CDC34: variants seen among roughly 807,000 people sequenced by gnomAD.
The protein encoded by CDC34 is cell division cycle 34, ubiquitin conjugating enzyme, also known as ubiquitin-conjugating enzyme E2 R1.
In CDC34, 18 loss-of-function variants were observed where a neutral mutation model predicts 26.8. The ratio of observed to expected loss-of-function variants is 0.67; its 90% confidence interval spans 0.47 to 1.00. The LOEUF is 1.00. CDC34 is among the 50% of genes least tolerant of loss of function. CDC34 has a pLI of 0.00. For missense variants in CDC34, 280 were observed against 334.5 expected (o/e 0.84, Z 1.27); for synonymous variants, 178 against 147.5 (o/e 1.21, Z -1.50).
intron 4 of CDC34, among the ~76,000 whole-genome samples, chr19:540,125 C>G (rs3930365): frequency 0.067 from 1,560 of 23,190 alleles, 293 homozygotes; most frequent in East Asian, 0.12. Context: ...AGGCCCCCCA[C>G]GTTTAGAATC....
chr19:537,184 C>T, intron 4 of CDC34, 37 bp downstream of exon 4: 3 of 1,607,666 alleles, frequency 1.9e-6, no homozygotes, highest in African/African-American at 1.3e-5. Context: ...AGGAGAGACT[C>T]AGATCCGGCC....
At chr19:535,364 C>T (rs1490334327) in intron 1 of CDC34, among the ~76,000 whole-genome samples, 1 of 152,256 alleles carries the variant, frequency 6.6e-6, no homozygotes, top group Non-Finnish European at 1.5e-5. Context: ...GCTAACTGAG[C>T]AATCATCTGT....
chr19:532,144 C>T (rs1979517969), intron 1 of CDC34, 36 bp downstream of exon 1: 1 of 1,455,682 alleles, frequency 6.9e-7, no homozygotes, highest in Non-Finnish European at 9.0e-7. Flanking sequence ...TCCCGGAGCC[C>T]ACGAGCGACC....
At chr19:533,172 G>A (rs1307078705) in intron 1 of CDC34, among the ~76,000 whole-genome samples, 1 of 152,128 alleles carries the variant, frequency 6.6e-6, no homozygotes, top group Non-Finnish European at 1.5e-5. Flanking sequence ...GGGCCAGAGG[G>A]ACAAAGCGAG....
chr19:538,447 T>C (rs1015036118), intron 4 of CDC34, among the ~76,000 whole-genome samples: 3 of 152,246 alleles, frequency 2.0e-5, no homozygotes, highest in African/African-American at 7.2e-5. Flanking sequence ...AACACGTGCG[T>C]GTCTGTGTAC....
At chr19:536,940 C>T (rs756204841) in intron 3 of CDC34, 73 bp from the exon 4 acceptor site, 6 of 1,587,736 alleles carry the variant, frequency 3.8e-6, no homozygotes, top group Non-Finnish European at 4.3e-6. Context: ...GTCCCCGTGA[C>T]CCTCAGGGCC....
intron 4 of CDC34, among the ~76,000 whole-genome samples, chr19:537,651 C>CTTTTTTTTTTTTTTT (rs773623358): frequency 1.5e-5 from 1 of 67,076 alleles, no homozygotes; most frequent in Non-Finnish European, 2.8e-5. Flanking sequence ...CGCGGCCGGC[C>CTTTTTTTTTTTTTTT]TTTTTTTTTT....
chr19:534,102 C>T (rs1278402317), intron 1 of CDC34, among the ~76,000 whole-genome samples: 1 of 152,192 alleles, frequency 6.6e-6, no homozygotes, highest in Admixed American at 6.5e-5. Context: ...CTCATTGGGA[C>T]TTGGTGGGGT....
Position 541,332 on chromosome 19 carries a change from C to T in CDC34, c.498-7C>T. 6.4e-7 allele frequency: 1 copy of T among 1,553,166 alleles called. No individual in the cohort carries two copies. Among genetic ancestry groups the T allele is most frequent in the East Asian group, 2.4e-5 (1 of 42,160 alleles). On this transcript the variant is annotated splice_region_variant and splice_polypyrimidine_tract_variant and intron_variant, in intron 4 of 4. Coordinates refer to ENST00000215574, the MANE Select transcript of CDC34 (RefSeq NM_004359.2). Reference sequence around the variant, plus strand: ...GGGTGGCGCCCTCACCCACCCTGTCCCCCCAGGAAGCAGGTCCTGGGGACC... The same window carrying T: ...GGGTGGCGCCCTCACCCACCCTGTCTCCCCAGGAAGCAGGTCCTGGGGACC...
intron 1 of CDC34, among the ~76,000 whole-genome samples, chr19:534,484 A>G (rs11881969): frequency 0.36 from 9,836 of 27,466 alleles, 282 homozygotes; most frequent in South Asian, 0.4. Flanking sequence ...TCCAGACCTC[A>G]CCCACGATCC....
intron 4 of CDC34, chr19:539,066 G>T: frequency 1.1e-6 from 1 of 947,698 alleles, no homozygotes; most frequent in Non-Finnish European, 1.3e-6. Context: ...CATGTGCCAT[G>T]TGGACTCTGC....
At chr19:541,268 G>C in intron 4 of CDC34, 71 bp from the exon 5 acceptor site, 2 of 1,458,208 alleles carry the variant, frequency 1.4e-6, no homozygotes, top group Non-Finnish European at 1.8e-6. Context: ...CGTCGGACCT[G>C]GGGGAGGGGG....
intron 1 of CDC34, among the ~76,000 whole-genome samples, chr19:535,463 C>T (rs1245529583): frequency 6.6e-6 from 1 of 152,228 alleles, no homozygotes; most frequent in Non-Finnish European, 1.5e-5. Context: ...AGCCTGGAGC[C>T]CCTGCCAGTC....
At chr19:539,153 G>T (rs985690970) in intron 4 of CDC34, 1 of 424,512 alleles carries the variant, frequency 2.4e-6, no homozygotes. Flanking sequence ...GCTGAGCTGT[G>T]TCGGGCAGGC....
intron 4 of CDC34, among the ~76,000 whole-genome samples, chr19:537,775 C>G (rs1227283216): frequency 6.6e-6 from 1 of 150,968 alleles, no homozygotes; most frequent in East Asian, 2.0e-4. Context: ...CCCCCTTCAT[C>G]CTGCCAAGCA....
chr19:533,602 C>G (rs929860475), intron 1 of CDC34, among the ~76,000 whole-genome samples: 9 of 152,248 alleles, frequency 5.9e-5, no homozygotes, highest in African/African-American at 9.6e-5. Context: ...GCAGCCCCAC[C>G]TCGAAGCCAG....
rs369737989 is a variant in CDC34, at chr19:536,237, G to T, written c.265-6G>T. ...ACCTGTTCTGACCTGTCTTCTTCTT[G>T]TGCAGACGGGGGACGTGTGTATCTC... On this transcript the variant is annotated splice_polypyrimidine_tract_variant and splice_region_variant and intron_variant, in intron 2 of 4. Coordinates refer to ENST00000215574, the MANE Select transcript of CDC34 (RefSeq NM_004359.2). 6.2e-7 allele frequency: 1 copy of T among 1,601,082 alleles called. No homozygotes were observed. The highest frequency in any genetic ancestry group is 1.1e-5 in the South Asian group (1 of 89,354).
intron 4 of CDC34, among the ~76,000 whole-genome samples, chr19:538,047 C>T (rs1191120849): frequency 6.6e-6 from 1 of 152,060 alleles, no homozygotes; most frequent in Non-Finnish European, 1.5e-5. Context: ...GCTGTGTGTG[C>T]CCAGTGACTG....
At chr19:538,088 T>C (rs967589039) in intron 4 of CDC34, among the ~76,000 whole-genome samples, 3 of 152,232 alleles carry the variant, frequency 2.0e-5, no homozygotes, top group African/African-American at 7.2e-5. Context: ...TGTGCCTTAA[T>C]GAAGAAATGG....
Sources: allele counts gnomAD v4.1 joint callset (sites outside exome capture counted in the v4.1 genomes callset), GRCh38; gene constraint gnomAD v4.1.1; transcripts MANE v1.5; gene names NCBI Gene and HGNC (gene_info 2026-07-23, HGNC 2026-07-21).